The following MATCAP2 variants were observed in gnomAD, a reference collection of about 807,000 sequenced individuals.
The protein encoded by MATCAP2 is putative tyrosine carboxypeptidase MATCAP2.
the MATCAP2 span, among the ~76,000 whole-genome samples, chr7:36,336,864 G>A: frequency 6.6e-6 from 1 of 151,810 alleles, no homozygotes; most frequent in African/African-American, 2.4e-5. Flanking sequence ...GGAGGCTGAG[G>A]CAGGCGGATC....
the MATCAP2 span, chr7:36,366,958 G>C: frequency 7.4e-7 from 1 of 1,351,448 alleles, no homozygotes; most frequent in Non-Finnish European, 9.4e-7. Flanking sequence ...CCGAGGCCCG[G>C]GGCGGCGGGC....
the MATCAP2 span, among the ~76,000 whole-genome samples, chr7:36,360,984 T>C: frequency 1.3e-5 from 2 of 152,184 alleles, no homozygotes; most frequent in African/African-American, 2.4e-5. Flanking sequence ...TTCACTATAT[T>C]GGAGAGAATG....
the MATCAP2 span, among the ~76,000 whole-genome samples, chr7:36,332,224 C>G: frequency 3.9e-5 from 6 of 152,104 alleles, no homozygotes; most frequent in African/African-American, 1.4e-4. Flanking sequence ...CCCTGTGCAT[C>G]TGGGTACAGA....
chr7:36,360,880 T>C, the MATCAP2 span, among the ~76,000 whole-genome samples: 5 of 152,186 alleles, frequency 3.3e-5, no homozygotes, highest in Admixed American at 6.5e-5. Flanking sequence ...TAACTCGTGT[T>C]TTCCCAGAAA....
chr7:36,350,532 CTTTT>C, the MATCAP2 span, among the ~76,000 whole-genome samples: 3 of 117,680 alleles, frequency 2.5e-5, no homozygotes, highest in Non-Finnish European at 5.5e-5. Flanking sequence ...GACTGTGTTC[CTTTT>C]TTTTTTTTTT....
the MATCAP2 span, among the ~76,000 whole-genome samples, chr7:36,333,449 G>A: frequency 6.6e-6 from 1 of 152,102 alleles, no homozygotes; most frequent in East Asian, 1.9e-4. Flanking sequence ...GGTGATGGTT[G>A]TACAACTCTG....
At chr7:36,326,978 G>A in the MATCAP2 span, 4 of 1,463,590 alleles carry the variant, frequency 2.7e-6, no homozygotes, top group Non-Finnish European at 2.8e-6. Flanking sequence ...TTTTAAGGAT[G>A]AATTTCTTCC....
the MATCAP2 span, among the ~76,000 whole-genome samples, chr7:36,360,186 C>T: frequency 6.6e-6 from 1 of 152,092 alleles, no homozygotes; most frequent in South Asian, 2.1e-4. Context: ...GCTCTGTTTT[C>T]TAAGACCTAG....
At chr7:36,341,778 GAC>G in the MATCAP2 span, among the ~76,000 whole-genome samples, 1 of 152,138 alleles carries the variant, frequency 6.6e-6, no homozygotes, top group African/African-American at 2.4e-5. Flanking sequence ...ACCATGTGAG[GAC>G]ACACAGCCTT....
chr7:36,388,233 C>G, the MATCAP2 span, among the ~76,000 whole-genome samples: 23 of 151,614 alleles, frequency 1.5e-4, no homozygotes, highest in African/African-American at 5.6e-4. Flanking sequence ...ATTAAATGGT[C>G]ATTTTTCTAG....
chr7:36,375,604 A>G, the MATCAP2 span, among the ~76,000 whole-genome samples: 1 of 152,200 alleles, frequency 6.6e-6, no homozygotes, highest in Non-Finnish European at 1.5e-5. Flanking sequence ...TGGCCTCAAA[A>G]AATGAGTTAG....
At chr7:36,381,151 G>A in the MATCAP2 span, among the ~76,000 whole-genome samples, 2 of 152,190 alleles carry the variant, frequency 1.3e-5, no homozygotes, top group African/African-American at 4.8e-5. Flanking sequence ...GTTAGGACTG[G>A]AAGGGAGAAG....
At chr7:36,339,169 C>G in the MATCAP2 span, among the ~76,000 whole-genome samples, 1 of 152,134 alleles carries the variant, frequency 6.6e-6, no homozygotes, top group Non-Finnish European at 1.5e-5. Flanking sequence ...ACACCATTCT[C>G]TATAAATAAC....
the MATCAP2 span, among the ~76,000 whole-genome samples, chr7:36,331,620 C>G: frequency 6.6e-6 from 1 of 152,258 alleles, no homozygotes; most frequent in South Asian, 2.1e-4. Context: ...ATTAGTTCCT[C>G]TCTATGTAAA....
the MATCAP2 span, among the ~76,000 whole-genome samples, chr7:36,387,641 G>T: frequency 6.6e-6 from 1 of 152,226 alleles, no homozygotes; most frequent in South Asian, 2.1e-4. Context: ...TGTGATGGTT[G>T]CCATTATCAC....
At chr7:36,366,695 G>C in the MATCAP2 span, 1 of 1,534,496 alleles carries the variant, frequency 6.5e-7, no homozygotes, top group Non-Finnish European at 8.7e-7. Flanking sequence ...TTCCACAGCA[G>C]GTACTTACTG....
chr7:36,377,011 G>A, the MATCAP2 span, among the ~76,000 whole-genome samples: 1 of 151,914 alleles, frequency 6.6e-6, no homozygotes, highest in Admixed American at 6.6e-5. Context: ...TTTGAGATGG[G>A]TCTCCTGAAT....
chr7:36,326,096 T>C, the MATCAP2 span: 1 of 152,052 alleles, frequency 6.6e-6, no homozygotes, highest in African/African-American at 2.4e-5. Flanking sequence ...GGGTACAATA[T>C]GTTTCAGCAA....
At chr7:36,329,231 G>C in the MATCAP2 span, among the ~76,000 whole-genome samples, 1 of 152,006 alleles carries the variant, frequency 6.6e-6, no homozygotes, top group Non-Finnish European at 1.5e-5. Context: ...TTTATTATAG[G>C]AAAGATTAAA....
Sources: gnomAD v4.1 joint callset for allele counts (sites outside exome capture counted in the v4.1 genomes callset) on GRCh38, gnomAD v4.1.1 for gene constraint, MANE v1.5 for transcripts, NCBI Gene and HGNC (gene_info 2026-07-23, HGNC 2026-07-21) for gene names.